Variants in TENM2 observed in about 807,000 individuals in gnomAD.
TENM2 encodes the protein teneurin-2.
A neutral mutation model predicts 245.2 loss-of-function variants in TENM2; 52 were observed. The observed-to-expected ratio is 0.21, with a 90% confidence interval of 0.17 to 0.27. TENM2 has a LOEUF of 0.27. Among genes scored for constraint, TENM2 ranks in the 10% least tolerant of loss-of-function variants. The pLI is 1.00. For synonymous variants in TENM2, 1,363 were observed against 1,438.9 expected (o/e 0.95, Z 1.19); for missense variants, 3,046 against 3,666.8 (o/e 0.83, Z 4.37).
intron 2 of TENM2, among the ~76,000 whole-genome samples, chr5:167,692,216 G>A (rs1279873546): frequency 6.6e-6 from 1 of 152,102 alleles, no homozygotes; most frequent in Admixed American, 6.5e-5. Context: ...TGTTCTCAGG[G>A]TCTAGAACAG....
At chr5:167,909,268 G>A (rs561883050) in intron 3 of TENM2, among the ~76,000 whole-genome samples, 1 of 152,058 alleles carries the variant, frequency 6.6e-6, no homozygotes, top group South Asian at 2.1e-4. Context: ...TAAGGGAAGT[G>A]GACCAAATGT....
At chr5:167,251,874 G>A in the TENM2 span, among the ~76,000 whole-genome samples, 9 of 152,122 alleles carry the variant, frequency 5.9e-5, no homozygotes, top group Non-Finnish European at 1.0e-4. Flanking sequence ...CCTCTCAAAG[G>A]CCTGAAGGAT....
intron 2 of TENM2, among the ~76,000 whole-genome samples, chr5:167,438,732 T>C (rs945699611): frequency 3.3e-5 from 5 of 151,448 alleles, no homozygotes; most frequent in South Asian, 2.1e-4. Flanking sequence ...GTGCAAAGTG[T>C]ATCTAAGTAG....
At chr5:167,420,315 T>C (rs1465508266) in intron 2 of TENM2, among the ~76,000 whole-genome samples, 2 of 152,224 alleles carry the variant, frequency 1.3e-5, no homozygotes, top group African/African-American at 4.8e-5. Context: ...TCAAGCTTTC[T>C]GGGACCAAAT....
intron 1 of TENM2, among the ~76,000 whole-genome samples, chr5:167,370,000 A>G (rs1295114012): frequency 6.6e-6 from 1 of 152,200 alleles, no homozygotes; most frequent in East Asian, 1.9e-4. Flanking sequence ...AAATAGAATT[A>G]GTGGGTCAAA....
chr5:167,217,489 T>C, the TENM2 span, among the ~76,000 whole-genome samples: 1 of 151,946 alleles, frequency 6.6e-6, no homozygotes, highest in Admixed American at 6.6e-5. Context: ...TGGGAGTGAA[T>C]TGGTGTCAAT....
At chr5:167,169,045 C>T in the TENM2 span, among the ~76,000 whole-genome samples, 2 of 152,192 alleles carry the variant, frequency 1.3e-5, no homozygotes, top group African/African-American at 4.8e-5. Flanking sequence ...AGGCGTGAGC[C>T]ACGTTGCCCA....
intron 2 of TENM2, among the ~76,000 whole-genome samples, chr5:167,537,016 C>T (rs1771893376): frequency 6.6e-6 from 1 of 151,904 alleles, no homozygotes; most frequent in Admixed American, 6.6e-5. Flanking sequence ...AAGGGCAAGA[C>T]TCCATCTCAA....
At chr5:167,106,428 C>T in the TENM2 span, among the ~76,000 whole-genome samples, 1 of 152,144 alleles carries the variant, frequency 6.6e-6, no homozygotes, top group African/African-American at 2.4e-5. Flanking sequence ...ATACAGATAG[C>T]ATGTTGAGTG....
At chr5:167,724,779 A>G (rs1394586555) in intron 2 of TENM2, among the ~76,000 whole-genome samples, 1 of 152,172 alleles carries the variant, frequency 6.6e-6, no homozygotes, top group Non-Finnish European at 1.5e-5. Context: ...GTAAAGTTCA[A>G]AGACCCTGAG....
intron 5 of TENM2, among the ~76,000 whole-genome samples, chr5:168,028,799 C>CAAA (rs34319215): frequency 2.5e-5 from 3 of 122,118 alleles, no homozygotes; most frequent in Non-Finnish European, 5.4e-5. Flanking sequence ...TAGCAACTGT[C>CAAA]AAAAAAAAAA....
intron 1 of TENM2, among the ~76,000 whole-genome samples, chr5:167,314,170 T>C (rs1349864203): frequency 1.3e-5 from 2 of 151,638 alleles, no homozygotes; most frequent in Non-Finnish European, 2.9e-5. Flanking sequence ...CTCCAAAATC[T>C]CTTTTTTAGG....
intron 2 of TENM2, among the ~76,000 whole-genome samples, chr5:167,781,619 C>A (rs1348410040): frequency 1.3e-5 from 2 of 151,926 alleles, no homozygotes; most frequent in Non-Finnish European, 2.9e-5. Flanking sequence ...TGAAAGTGAT[C>A]AGGTGAGTAT....
the TENM2 span, among the ~76,000 whole-genome samples, chr5:167,053,077 G>C: frequency 6.6e-6 from 1 of 152,044 alleles, no homozygotes; most frequent in East Asian, 1.9e-4. Flanking sequence ...TCTGTTTCAT[G>C]CTGGTTCCTC....
At chr5:167,909,665 A>T (rs1029265394) in intron 3 of TENM2, among the ~76,000 whole-genome samples, 1 of 152,244 alleles carries the variant, frequency 6.6e-6, no homozygotes, top group Non-Finnish European at 1.5e-5. Context: ...TTAAGTAAAA[A>T]CAGACAAAGA....
intron 2 of TENM2, among the ~76,000 whole-genome samples, chr5:167,761,833 C>A (rs773190846): frequency 6.6e-6 from 1 of 152,150 alleles, no homozygotes; most frequent in East Asian, 1.9e-4. Flanking sequence ...TCCATAGACA[C>A]ATTCAGCAAT....
At chr5:167,125,058 G>A in the TENM2 span, among the ~76,000 whole-genome samples, 1 of 152,166 alleles carries the variant, frequency 6.6e-6, no homozygotes, top group Non-Finnish European at 1.5e-5. Context: ...CTAAGAAGTT[G>A]TTAGAAATGC....
At chr5:167,450,947 G>T (rs535274989) in intron 2 of TENM2, among the ~76,000 whole-genome samples, 1 of 152,128 alleles carries the variant, frequency 6.6e-6, no homozygotes, top group South Asian at 2.1e-4. Flanking sequence ...TTGTTAATAT[G>T]ATATTTTGCA....
the TENM2 span, among the ~76,000 whole-genome samples, chr5:167,166,874 T>A: frequency 1.3e-4 from 20 of 152,264 alleles, 1 homozygote; most frequent in South Asian, 3.5e-3. Context: ...TTCTCAGGAA[T>A]CTCAAACCTA....
Sources: allele counts gnomAD v4.1 joint callset (sites outside exome capture counted in the v4.1 genomes callset), GRCh38; gene constraint gnomAD v4.1.1; transcripts MANE v1.5; gene names NCBI Gene and HGNC (gene_info 2026-07-23, HGNC 2026-07-21).